Variants in EPSTI1 observed in about 807,000 individuals in gnomAD.
EPSTI1 encodes the protein epithelial stromal interaction 1.
In EPSTI1, 66 loss-of-function variants were observed where a neutral mutation model predicts 49.9. That is an observed-to-expected ratio of 1.32 (90% CI 1.08 to 1.62). EPSTI1 has a LOEUF of 1.62. Among genes scored for constraint, EPSTI1 ranks in the 40% most tolerant of loss-of-function variants. EPSTI1 has a pLI of 0.00. For missense variants in EPSTI1, 394 were observed against 365.5 expected (o/e 1.08, Z -0.64); for synonymous variants, 137 against 130.7 (o/e 1.05, Z -0.33).
chr13:42,963,768 C>T (rs1277985528), intron 4 of EPSTI1, among the ~76,000 whole-genome samples: 1 of 152,128 alleles, frequency 6.6e-6, no homozygotes, highest in Non-Finnish European at 1.5e-5. Flanking sequence ...ATTCTTAGAA[C>T]CAAAACATTC....
At chr13:42,905,253 C>T (rs929234066) in intron 8 of EPSTI1, among the ~76,000 whole-genome samples, 10 of 152,104 alleles carry the variant, frequency 6.6e-5, no homozygotes, top group Non-Finnish European at 1.5e-4. Flanking sequence ...GAGGGAAACG[C>T]GGACGGGAGC....
rs1248159317 is a variant in EPSTI1, at chr13:42,968,949, CACACA to C, written c.331+140_331+144del. On this transcript the variant is annotated intron_variant, in intron 3 of 10. Transcript: ENST00000313624. The stretch of plus-strand genomic sequence containing the variant: ...ACACACACACACACACACACACACA[CACACA>C]ATTAAATGCATTCCACCCAAGCAGC... 3.4e-4 allele frequency: 242 copies of C among 710,280 alleles called. 6 individuals are homozygous for C. Among genetic ancestry groups the C allele is most frequent in the Admixed American group, 4.5e-4 (18 of 39,788 alleles). The allele number at this position is 710,280 out of a possible 1,614,324, so 44.0% of individuals were successfully genotyped here.
intron 5 of EPSTI1, among the ~76,000 whole-genome samples, chr13:42,956,024 G>A (rs1358694890): frequency 2.0e-5 from 3 of 152,126 alleles, no homozygotes; most frequent in African/African-American, 7.2e-5. Flanking sequence ...GCCCATTCTG[G>A]AAAATGTTAC....
At chr13:42,972,834 G>A (rs1566173203) in intron 1 of EPSTI1, among the ~76,000 whole-genome samples, 1 of 151,574 alleles carries the variant, frequency 6.6e-6, no homozygotes. Context: ...CACTCAACAT[G>A]AGTTCTGGAT....
chr13:42,938,431 AT>A (rs894367784), intron 6 of EPSTI1, among the ~76,000 whole-genome samples: 15 of 151,992 alleles, frequency 9.9e-5, no homozygotes, highest in East Asian at 7.7e-4. Flanking sequence ...AATTTAGCAT[AT>A]TTTTTTAAGG....
chr13:42,907,295 G>A (rs746367322), intron 8 of EPSTI1, among the ~76,000 whole-genome samples: 29 of 152,132 alleles, frequency 1.9e-4, no homozygotes, highest in Non-Finnish European at 3.5e-4. Context: ...TTTCATATAT[G>A]TGAGCATATT....
chr13:42,901,710 T>G (rs577051316), intron 8 of EPSTI1, among the ~76,000 whole-genome samples: 3 of 152,324 alleles, frequency 2.0e-5, no homozygotes, highest in African/African-American at 7.2e-5. Flanking sequence ...TTCCTGCATG[T>G]GGTTTCATAA....
intron 6 of EPSTI1, among the ~76,000 whole-genome samples, chr13:42,926,814 G>T (rs192669888): frequency 2.6e-5 from 4 of 151,940 alleles, no homozygotes; most frequent in Non-Finnish European, 5.9e-5. Flanking sequence ...GAACATTCAC[G>T]CCCTACAACA....
At chr13:42,986,000 T>C (rs1454040055) in intron 1 of EPSTI1, among the ~76,000 whole-genome samples, 4 of 152,262 alleles carry the variant, frequency 2.6e-5, no homozygotes, top group African/African-American at 9.6e-5. Context: ...CTTTCTCTGC[T>C]GCAAGTGCCA....
chr13:42,949,624 A>ATCTCT, intron 6 of EPSTI1, among the ~76,000 whole-genome samples: 1 of 151,568 alleles, frequency 6.6e-6, no homozygotes, highest in South Asian at 2.1e-4. Context: ...GAAAAGAGAG[A>ATCTCT]CTTTTCTTTT....
chr13:42,908,267 C>T (rs1469848436), intron 8 of EPSTI1, among the ~76,000 whole-genome samples: 1 of 152,190 alleles, frequency 6.6e-6, no homozygotes, highest in Non-Finnish European at 1.5e-5. Flanking sequence ...AGGCAGATCA[C>T]TGCAGGCTAG....
intron 5 of EPSTI1, among the ~76,000 whole-genome samples, chr13:42,954,922 T>G (rs1346058733): frequency 6.6e-6 from 1 of 152,208 alleles, no homozygotes; most frequent in African/African-American, 2.4e-5. Flanking sequence ...ATCATCACTT[T>G]CAAGCCCAAA....
At chr13:42,897,053 T>A (rs1160837340) in intron 9 of EPSTI1, among the ~76,000 whole-genome samples, 1 of 147,854 alleles carries the variant, frequency 6.8e-6, no homozygotes, top group African/African-American at 2.5e-5. Context: ...TGAGTGGAGA[T>A]GATGTCACTG....
At position 42,917,642 on chromosome 13, in the gene EPSTI1, GAAA is replaced by G. The variant is rs71202243; in HGVS notation, c.658-21_658-19del. ...CTTCTGGCCTGTAAAGGTACAAAGA[GAAA>G]AAAAAAAAAAAAAACAACTTGATAG... On this transcript the variant is annotated intron_variant, in intron 7 of 10. Transcript: ENST00000313624. 9.4e-5 allele frequency: 40 copies of G among 425,306 alleles called. No homozygotes were observed. Among genetic ancestry groups the G allele is most frequent in the Middle Eastern group, 5.2e-4 (1 of 1,928 alleles). The allele number at this position is 425,306 out of a possible 1,614,324, so 26.3% of individuals were successfully genotyped here. A position where few individuals can be genotyped will look rare whatever the true frequency, so the allele number is the denominator to read the frequency against.
chr13:42,921,701 A>C (rs2038000364), intron 7 of EPSTI1, among the ~76,000 whole-genome samples: 1 of 152,130 alleles, frequency 6.6e-6, no homozygotes, highest in Non-Finnish European at 1.5e-5. Flanking sequence ...CTGGAGGTGC[A>C]ACCCAGGTAT....
chr13:42,909,416 T>C (rs1427210132), intron 8 of EPSTI1, among the ~76,000 whole-genome samples: 2 of 152,106 alleles, frequency 1.3e-5, no homozygotes, highest in Non-Finnish European at 2.9e-5. Context: ...TACCATATGA[T>C]CCAGCAATCC....
intron 7 of EPSTI1, among the ~76,000 whole-genome samples, chr13:42,926,050 A>AGGAAGGTAGGAAGGAT (rs2153421528): frequency 6.6e-6 from 1 of 152,082 alleles, no homozygotes; most frequent in Admixed American, 6.5e-5. Flanking sequence ...GAAGGAAGGT[A>AGGAAGGTAGGAAGGAT]GGAAGGATGG....
chr13:42,988,085 A>G (rs528499037), intron 1 of EPSTI1, among the ~76,000 whole-genome samples: 2 of 152,344 alleles, frequency 1.3e-5, no homozygotes, highest in East Asian at 3.9e-4. Flanking sequence ...GCATCAAGCT[A>G]AAGGACCAGG....
chr13:42,911,621 G>A (rs1426969498), intron 8 of EPSTI1, among the ~76,000 whole-genome samples: 2 of 152,060 alleles, frequency 1.3e-5, no homozygotes, highest in African/African-American at 4.8e-5. Flanking sequence ...ATTGTTTATA[G>A]TAACATAATT....
Sources: gnomAD v4.1 joint callset for allele counts (sites outside exome capture counted in the v4.1 genomes callset) on GRCh38, gnomAD v4.1.1 for gene constraint, MANE v1.5 for transcripts, NCBI Gene and HGNC (gene_info 2026-07-23, HGNC 2026-07-21) for gene names.